Variants in FAM227A observed in about 807,000 individuals in gnomAD.
FAM227A encodes protein FAM227A.
FAM227A carries 80 observed loss-of-function variants against 74.7 expected under a neutral mutation model. The observed-to-expected ratio is 1.07, with a 90% confidence interval of 0.89 to 1.29. The LOEUF is 1.29. FAM227A is among the 50% of genes most tolerant of loss of function. The pLI is 0.00. For synonymous variants in FAM227A, 237 were observed against 241.8 expected (o/e 0.98, Z 0.19); for missense variants, 654 against 683.4 (o/e 0.96, Z 0.48).
intron 13 of FAM227A, among the ~76,000 whole-genome samples, chr22:38,600,922 A>G (rs1267070030): frequency 6.6e-6 from 1 of 151,334 alleles, no homozygotes; most frequent in Non-Finnish European, 1.5e-5. Context: ...ATTGCGCTCC[A>G]GCCTGGCGAC....
intron 3 of FAM227A, among the ~76,000 whole-genome samples, chr22:38,640,073 G>C (rs988611209): frequency 6.6e-6 from 1 of 150,664 alleles, no homozygotes; most frequent in African/African-American, 2.4e-5. Context: ...TCGCTCTGTT[G>C]CCCAGGCTGG....
In FAM227A at chr22:38,623,191, G is replaced by A. The variant is rs753343555; in HGVS notation, c.939C>T (p.Tyr313=). ...ERFRREELML[Y]RRRLTKGREF... Reference sequence around the variant, plus strand: ...TCTTACCCTTTGTCAGTCTTCTTCTGTACAACATTAATTCTTCTCTGCGGA... The same window carrying A: ...TCTTACCCTTTGTCAGTCTTCTTCTATACAACATTAATTCTTCTCTGCGGA... The change falls in exon 10 of 17, where the codon TAC becomes TAT. Residue 313 remains tyrosine (Y), a synonymous_variant. Transcript: ENST00000535113. The A allele has an allele frequency of 6.4e-6, 10 of 1,551,246 alleles. No homozygotes were observed. The Admixed American group carries it at 1.6e-4, about 24-fold the overall frequency.
At chr22:38,592,565 G>A (rs564545582) in intron 15 of FAM227A, among the ~76,000 whole-genome samples, 5 of 152,270 alleles carry the variant, frequency 3.3e-5, no homozygotes, top group South Asian at 2.1e-4. Context: ...AAATGTGGAC[G>A]TGGTGGCTGG....
At chr22:38,621,500 G>C (rs1183945471) in intron 10 of FAM227A, among the ~76,000 whole-genome samples, 1 of 152,094 alleles carries the variant, frequency 6.6e-6, no homozygotes, top group African/African-American at 2.4e-5. Context: ...TCTATGTCGG[G>C]AGGCTGAGGC....
At chr22:38,600,427 A>G (rs892758387) in intron 13 of FAM227A, among the ~76,000 whole-genome samples, 7 of 151,794 alleles carry the variant, frequency 4.6e-5, no homozygotes, top group African/African-American at 9.7e-5. Flanking sequence ...TCCATCTCCT[A>G]GATTCAAGCA....
Position 38,583,816 on chromosome 22 carries a change from G to A in FAM227A, c.*2309C>T, listed in dbSNP as rs2146093460. ...AGGGGGTCACCTAGAGTTCTACTCA[G>A]GATTCAAGTAAAGATGTGTGTCTGA... On this transcript the variant is annotated 3_prime_UTR_variant, in exon 17 of 17. Coordinates refer to ENST00000535113, the MANE Select transcript of FAM227A (RefSeq NM_001013647.2). 1 of 152,316 alleles carries A rather than the reference G, an allele frequency of 6.6e-6. No homozygotes were observed. The highest frequency in any genetic ancestry group is 2.1e-4 in the South Asian group (1 of 4,828). The allele number at this position is 152,316 out of a possible 1,614,324, so 9.4% of individuals were successfully genotyped here.
At chr22:38,632,520 C>G (rs1052919677) in intron 6 of FAM227A, among the ~76,000 whole-genome samples, 12 of 152,160 alleles carry the variant, frequency 7.9e-5, no homozygotes, top group African/African-American at 2.9e-4. Flanking sequence ...GCCTCCAGAA[C>G]TGAAAGAAAT....
Position 38,599,788 on chromosome 22 carries a change from C to T in FAM227A, c.1355G>A (p.Arg452Lys), listed in dbSNP as rs1415425455. Residue 452 changes from arginine (R) to lysine (K), a missense_variant, in exon 14 of 17, where the codon AGA (arginine) becomes AAA (lysine). By Grantham distance (26) the Arg-to-Lys change is conservative (BLOSUM62 2). Transcript: ENST00000535113. ...TGGGGTGCTCGTGGTCTTTTCCCTT[C>T]TGACTATCAACACATTCTTGCCGTG... ...QQHGKNVLIV[R>K]REKTTSTPDC... 2.6e-6 allele frequency: 4 copies of T among 1,551,408 alleles called. No individual in the cohort carries two copies. Among genetic ancestry groups the T allele is most frequent in the Non-Finnish European group, 3.5e-6 (4 of 1,146,874 alleles).
intron 4 of FAM227A, 89 bp from the exon 5 acceptor site, chr22:38,638,911 C>T: frequency 1.2e-6 from 1 of 802,338 alleles, no homozygotes; most frequent in Middle Eastern, 2.3e-4. Flanking sequence ...TTTCATTCCA[C>T]TTGAGCTGCC....
rs1488299921 is a variant in FAM227A at position 38,628,239 on chromosome 22, T to C, written c.725A>G (p.Lys242Arg). The stretch of plus-strand genomic sequence containing the variant: ...TTCTAGATAGTGGCTGATGCTCACT[T>C]TTAAGAGCGCCTCTTCAGAGTGGGA... The part of the protein sequence containing the change: ...PKSHSEEALL[K>R]RLPSLLSKAV... Residue 242 changes from lysine to arginine, a missense_variant and splice_region_variant, in exon 8 of 17, where the codon AAA (lysine) becomes AGA (arginine). Transcript: ENST00000535113. 24 of 1,535,220 alleles carry C rather than the reference T, an allele frequency of 1.6e-5. No individual in the cohort carries two copies. Among genetic ancestry groups the C allele is most frequent in the Non-Finnish European group, 2.0e-5 (23 of 1,132,276 alleles).
At chr22:38,638,177 AGAAAT>A (rs1437600810) in intron 5 of FAM227A, among the ~76,000 whole-genome samples, 1 of 152,170 alleles carries the variant, frequency 6.6e-6, no homozygotes, top group African/African-American at 2.4e-5. Flanking sequence ...AAAGAAAAAA[AGAAAT>A]AAAGAACAAG....
intron 6 of FAM227A, among the ~76,000 whole-genome samples, chr22:38,636,194 A>T (rs1213789405): frequency 6.6e-6 from 1 of 152,188 alleles, no homozygotes; most frequent in Non-Finnish European, 1.5e-5. Context: ...TTATAAACAG[A>T]CACGTTTCAA....
rs1227349771 is a variant in FAM227A at position 38,650,235 on chromosome 22, C to A, written c.-67G>T. ...TTTAAGAGCCTCTCATTTCCCACTC[C>A]AATCTTGTCGTTTGTTTAATCAGCC... On this transcript the variant is annotated 5_prime_UTR_variant, in exon 2 of 17. Transcript: ENST00000535113. 5 of 1,476,606 alleles carry A rather than the reference C, an allele frequency of 3.4e-6. No homozygotes were observed. In the African/African-American group the frequency reaches 5.6e-5, roughly 17 times the overall value. The allele number at this position is 1,476,606 out of a possible 1,614,324, so 91.5% of individuals were successfully genotyped here.
chr22:38,582,208 C>G lies in FAM227A; in HGVS notation c.*3917G>C, dbSNP rs2090716580. ...GTTTATTTGGGCCTCTTTGTAACCC[C>G]TTCCAGCTTCCCTCCTATCCCCTCT... On this transcript the variant is annotated 3_prime_UTR_variant, in exon 17 of 17. Coordinates refer to ENST00000535113, the MANE Select transcript of FAM227A (RefSeq NM_001013647.2). The G allele has an allele frequency of 1.2e-6, 1 of 836,604 alleles. No homozygotes were observed. The highest frequency in any genetic ancestry group is 1.7e-5 in the African/African-American group (1 of 58,386). 51.8% of individuals were successfully genotyped at this position (836,604 alleles called of 1,614,324 possible). A position where few individuals can be genotyped will look rare whatever the true frequency, so the allele number is the denominator to read the frequency against.
rs2092073136 is a variant in FAM227A, at chr22:38,639,641, G to T, written c.295+14C>A. The T allele has an allele frequency of 1.3e-6, 2 of 1,551,518 alleles. No homozygotes were observed. The highest frequency in any genetic ancestry group is 2.7e-5 in the African/African-American group (2 of 73,128). On this transcript the variant is annotated intron_variant, in intron 4 of 16. Transcript: ENST00000535113. ...CCATGAAAAGAGCATCAAGGCTGAG[G>T]GAAAGGTTTTTGCCTTTGTCTTCTG...
chr22:38,642,340 C>G (rs529483138), intron 3 of FAM227A, among the ~76,000 whole-genome samples: 1 of 152,046 alleles, frequency 6.6e-6, no homozygotes, highest in South Asian at 2.1e-4. Flanking sequence ...GTGTAGACAC[C>G]CTGAGAGGTA....
intron 6 of FAM227A, among the ~76,000 whole-genome samples, chr22:38,630,994 C>A (rs970282244): frequency 6.6e-6 from 1 of 152,078 alleles, no homozygotes; most frequent in Non-Finnish European, 1.5e-5. Flanking sequence ...GTGGTGAAAC[C>A]CTGTCTCTAC....
intron 11 of FAM227A, among the ~76,000 whole-genome samples, chr22:38,608,785 C>G (rs1022565827): frequency 3.4e-5 from 5 of 146,308 alleles, no homozygotes; most frequent in African/African-American, 1.3e-4. Context: ...AAAATAAGAC[C>G]CTTGTTCCTT....
intron 15 of FAM227A, among the ~76,000 whole-genome samples, chr22:38,593,879 A>T (rs1401206346): frequency 2.6e-5 from 4 of 151,834 alleles, no homozygotes; most frequent in Admixed American, 6.6e-5. Context: ...TTTAGTAGAG[A>T]CGGGGTTTCA....
Sources: gnomAD v4.1 joint callset for allele counts (sites outside exome capture counted in the v4.1 genomes callset) on GRCh38, gnomAD v4.1.1 for gene constraint, MANE v1.5 for transcripts, NCBI Gene and HGNC (gene_info 2026-07-23, HGNC 2026-07-21) for gene names.